The following DCBLD2 variants were observed in gnomAD, a reference collection of about 807,000 sequenced individuals.
DCBLD2 encodes the protein discoidin, CUB and LCCL domain-containing protein 2.
In DCBLD2, 54 loss-of-function variants were observed where a neutral mutation model predicts 86.8. The observed-to-expected ratio is 0.62, with a 90% CI of 0.50 to 0.78. DCBLD2 has a LOEUF of 0.78. Among genes scored for constraint, DCBLD2 ranks in the 30% least tolerant of loss-of-function variants. DCBLD2 has a pLI of 0.00. For missense variants in DCBLD2, 908 were observed against 954.2 expected (o/e 0.95, Z 0.64); for synonymous variants, 354 against 341.3 (o/e 1.04, Z -0.41).
Position 98,863,773 on chromosome 3 carries a change from T to G in DCBLD2, c.434-14175A>C, listed in dbSNP as rs146229952. Among the ~76,000 whole-genome samples the G allele has an allele frequency of 5.4e-3, 819 of 152,246 alleles. 7 individuals are homozygous for G. The highest frequency in any genetic ancestry group is 0.019 in the African/African-American group (773 of 41,530). On this transcript the variant is annotated intron_variant, in intron 2 of 15. Coordinates refer to ENST00000326840, the MANE Select transcript of DCBLD2 (RefSeq NM_080927.4). ...ACCATAAAAACCCTAGAAGAAAACC[T>G]AGGCAATACCATTCAGGACATAGGC... is the stretch of plus-strand genomic sequence containing the variant.
intron 3 of DCBLD2, among the ~76,000 whole-genome samples, chr3:98,825,643 TTATATA>T (rs56736194): frequency 0.2 from 23,364 of 114,758 alleles, 2,438 homozygotes; most frequent in Middle Eastern, 0.29. Flanking sequence ...ATATGTGTAT[TTATATA>T]TATATATATA....
intron 13 of DCBLD2, chr3:98,804,880 C>A (rs1438170646): frequency 6.6e-6 from 1 of 152,164 alleles, no homozygotes; most frequent in Non-Finnish European, 1.5e-5. Flanking sequence ...ATCCTGAGTT[C>A]TTGTTTGATT....
At chr3:98,847,576 TTCAATAAG>T (rs1942749690) in intron 3 of DCBLD2, among the ~76,000 whole-genome samples, 1 of 152,200 alleles carries the variant, frequency 6.6e-6, no homozygotes, top group Non-Finnish European at 1.5e-5. Flanking sequence ...ATATGAAACT[TTCAATAAG>T]ACATATCGTG....
chr3:98,822,573 G>T, intron 5 of DCBLD2, 96 bp downstream of exon 5: 1 of 1,316,752 alleles, frequency 7.6e-7, no homozygotes, highest in Non-Finnish European at 1.0e-6. Context: ...AAAGGCAAAA[G>T]ATAAGGATAT....
chr3:98,847,112 T>C (rs1401442116), intron 3 of DCBLD2, among the ~76,000 whole-genome samples: 1 of 152,154 alleles, frequency 6.6e-6, no homozygotes, highest in Non-Finnish European at 1.5e-5. Context: ...TCTACATTAC[T>C]CTTTTGGTGG....
chr3:98,893,008 C>T (rs1943689979), intron 1 of DCBLD2, among the ~76,000 whole-genome samples: 3 of 152,216 alleles, frequency 2.0e-5, no homozygotes, highest in Middle Eastern at 3.4e-3. Flanking sequence ...GACAGTCATG[C>T]CTTTCTGCCA....
chr3:98,815,201 A>G (rs930267512), intron 9 of DCBLD2: 1 of 152,236 alleles, frequency 6.6e-6, no homozygotes, highest in Non-Finnish European at 1.5e-5. Context: ...TATGGCCAGT[A>G]AAAGAAACAC....
intron 13 of DCBLD2, among the ~76,000 whole-genome samples, chr3:98,802,713 A>C (rs1236687830): frequency 6.6e-6 from 1 of 152,078 alleles, no homozygotes; most frequent in East Asian, 1.9e-4. Flanking sequence ...TCCATCTTGA[A>C]TTAATTTTTG....
chr3:98,828,245 A>T (rs1942259192), intron 3 of DCBLD2, among the ~76,000 whole-genome samples: 1 of 152,216 alleles, frequency 6.6e-6, no homozygotes, highest in Non-Finnish European at 1.5e-5. Context: ...ACTTCACAGG[A>T]CACCATTAAG....
At chr3:98,880,726 C>A (rs1384034739) in intron 2 of DCBLD2, among the ~76,000 whole-genome samples, 1 of 152,164 alleles carries the variant, frequency 6.6e-6, no homozygotes, top group Non-Finnish European at 1.5e-5. Flanking sequence ...AAGCACGTTA[C>A]ACATACTAGT....
chr3:98,871,211 T>C (rs370853313), intron 2 of DCBLD2, among the ~76,000 whole-genome samples: 39 of 152,232 alleles, frequency 2.6e-4, no homozygotes, highest in African/African-American at 9.1e-4. Context: ...TTTCAAGGTA[T>C]AAGATCACAT....
At chr3:98,845,086 T>C (rs1942694851) in intron 3 of DCBLD2, among the ~76,000 whole-genome samples, 1 of 152,180 alleles carries the variant, frequency 6.6e-6, no homozygotes, top group Admixed American at 6.5e-5. Context: ...TATTTCTATA[T>C]ATCAAATTGC....
chr3:98,805,916 C>T (rs930389833), intron 13 of DCBLD2, among the ~76,000 whole-genome samples: 1 of 152,130 alleles, frequency 6.6e-6, no homozygotes, highest in Non-Finnish European at 1.5e-5. Flanking sequence ...GGTAAGAGCA[C>T]GATCTCTCAA....
In DCBLD2 at chr3:98,881,420, A is replaced by G. The variant is rs1009218547; in HGVS notation, c.433+120T>C. 6.9e-6 allele frequency: 6 copies of G among 864,094 alleles called. No homozygotes were observed. The African/African-American group carries it at 8.5e-5, about 12-fold the overall frequency. The allele number at this position is 864,094 out of a possible 1,614,324, so 53.5% of individuals were successfully genotyped here. A position where few individuals can be genotyped will look rare whatever the true frequency, so the allele number is the denominator to read the frequency against. On this transcript the variant is annotated intron_variant, in intron 2 of 15. Transcript: ENST00000326840. ...AGATTCAAATTCAAAATTTTTACAC[A>G]TATTCAATAATTTCCCACATAGCAC... is the stretch of plus-strand genomic sequence containing the variant.
chr3:98,814,904 G>A (rs1196347199), intron 9 of DCBLD2: 1 of 152,240 alleles, frequency 6.6e-6, no homozygotes, highest in African/African-American at 2.4e-5. Context: ...GGAAAGAAGG[G>A]AAACAAATAA....
chr3:98,883,852 A>G (rs562941584), intron 1 of DCBLD2, among the ~76,000 whole-genome samples: 1 of 152,286 alleles, frequency 6.6e-6, no homozygotes, highest in South Asian at 2.1e-4. Flanking sequence ...ACTTTCTACT[A>G]TGTTGATTAT....
chr3:98,822,290 A>G lies in DCBLD2; in HGVS notation c.768T>C (p.Val256=), dbSNP rs770997336. ...AATAGGGGATACCTTTACTAATTAC[A>G]ACACTGATTTGGCCGCCCAACGTGT... The part of the protein sequence containing the change: ...VSNTLGGQIS[V]VISKGIPYYE... Residue 256 remains valine (V), a synonymous_variant, in exon 6 of 16, where the codon GTT becomes GTC. Transcript: ENST00000326840. 4 of 1,613,980 alleles carry G rather than the reference A, an allele frequency of 2.5e-6. No individual in the cohort carries two copies. In the South Asian group the frequency reaches 4.4e-5, roughly 18 times the overall value.
intron 1 of DCBLD2, among the ~76,000 whole-genome samples, chr3:98,889,607 A>G (rs1943624101): frequency 6.6e-6 from 1 of 152,010 alleles, no homozygotes; most frequent in African/African-American, 2.4e-5. Flanking sequence ...ATTTTTCTAT[A>G]GTTGAAAAAA....
At chr3:98,884,726 G>A (rs748970594) in intron 1 of DCBLD2, among the ~76,000 whole-genome samples, 1 of 152,062 alleles carries the variant, frequency 6.6e-6, no homozygotes, top group Admixed American at 6.6e-5. Flanking sequence ...AAATATAAAT[G>A]CACGTTCTTT....
Sources: gnomAD v4.1 joint callset for allele counts (sites outside exome capture counted in the v4.1 genomes callset) on GRCh38, gnomAD v4.1.1 for gene constraint, MANE v1.5 for transcripts, NCBI Gene and HGNC (gene_info 2026-07-23, HGNC 2026-07-21) for gene names.